The following CEP164 variants were observed in gnomAD, a reference collection of about 807,000 sequenced individuals.
CEP164 encodes the protein centrosomal protein 164.
In CEP164, 162 loss-of-function variants were observed where a neutral mutation model predicts 182.7. The observed-to-expected ratio is 0.89, with a 90% CI of 0.78 to 1.01. The LOEUF (loss-of-function observed/expected upper bound fraction) is 1.01, where lower values mean the gene tolerates loss of function less well. CEP164 is among the 50% of genes least tolerant of loss of function. The probability of loss-of-function intolerance (pLI) is 0.00; values close to 1 mark genes in which losing one functional copy is unlikely to be tolerated. For missense variants in CEP164, 1,735 were observed against 1,790.4 expected (o/e 0.97, Z 0.56); for synonymous variants, 661 against 690.0 (o/e 0.96, Z 0.66).
intron 9 of CEP164, among the ~76,000 whole-genome samples, chr11:117,371,773 T>C (rs2042216669): frequency 6.6e-6 from 1 of 150,982 alleles, no homozygotes; most frequent in African/African-American, 2.4e-5. Context: ...CATCCTCTCC[T>C]GCTTCCTACC....
chr11:117,347,955 TTTGTTGTTGTTG>T (rs530021219), intron 4 of CEP164, among the ~76,000 whole-genome samples: 2 of 151,400 alleles, frequency 1.3e-5, no homozygotes, highest in African/African-American at 2.4e-5. Flanking sequence ...CTGAAGTTGG[TTTGTTGTTGTTG>T]TTGTTGTTGT....
At chr11:117,391,286 AAGG>A (rs2136327100) in intron 17 of CEP164, 71 bp downstream of exon 17, 2 of 1,428,332 alleles carry the variant, frequency 1.4e-6, no homozygotes, top group South Asian at 2.5e-5. Flanking sequence ...CTGAGTGCAC[AAGG>A]AGAAGAAGGG....
At chr11:117,353,994 TCTTCTTCTC>T (rs1398999855) in intron 5 of CEP164, among the ~76,000 whole-genome samples, 23 of 110,128 alleles carry the variant, frequency 2.1e-4, no homozygotes, top group Admixed American at 4.0e-4. Context: ...GGTGGACTTT[TCTTCTTCTC>T]CTTCTTCTTC....
At chr11:117,390,206 G>T (rs1310324496) in intron 15 of CEP164, among the ~76,000 whole-genome samples, 1 of 151,686 alleles carries the variant, frequency 6.6e-6, no homozygotes, top group East Asian at 1.9e-4. Context: ...GCCTCCCAAA[G>T]TGCTGGGATT....
Position 117,394,099 on chromosome 11 carries a change from T to C in CEP164, c.2617-251T>C, listed in dbSNP as rs902763938. Among the ~76,000 whole-genome samples the C allele has an allele frequency of 1.3e-5, 2 of 152,190 alleles. No homozygotes were observed. Among genetic ancestry groups the C allele is most frequent in the Non-Finnish European group, 2.9e-5 (2 of 68,022 alleles). On this transcript the variant is annotated intron_variant, in intron 20 of 32. Coordinates refer to ENST00000278935, the MANE Select transcript of CEP164 (RefSeq NM_014956.5). This position sits in a 1 kb window ranked among gnomAD's most constrained non-coding sequence, Gnocchi z 4.0. ...GGAAAAGTTGTATATGGTGGAGCCA[T>C]AGGGAGAGCCAGAAAGGGAATCTGT...
intron 5 of CEP164, chr11:117,355,692 G>A: frequency 8.5e-7 from 1 of 1,182,406 alleles, no homozygotes; most frequent in Non-Finnish European, 1.1e-6. Flanking sequence ...ATAGGCAGCG[G>A]GAGGAGGAGG....
chr11:117,348,904 G>C (rs1436085450), intron 4 of CEP164, among the ~76,000 whole-genome samples: 1 of 152,158 alleles, frequency 6.6e-6, no homozygotes, highest in East Asian at 1.9e-4. Flanking sequence ...TTGTCCTTTT[G>C]TGTCTGACTT....
In CEP164 at chr11:117,349,844, G is replaced by A. The variant is rs960210285; in HGVS notation, c.195-1946G>A. 3.9e-5 allele frequency among the ~76,000 whole-genome samples: 6 copies of A among 152,116 alleles called. No homozygotes were observed. In the East Asian group the frequency reaches 7.7e-4, roughly 20 times the overall value. ...GGCTCAAGGTCAATGACACAATCTCGGCTCACTGCAACCTTCACCTCCTGG... is the reference window on the plus strand; with the variant it reads ...GGCTCAAGGTCAATGACACAATCTCAGCTCACTGCAACCTTCACCTCCTGG... On this transcript the variant is annotated intron_variant, in intron 4 of 32. Coordinates refer to ENST00000278935, the MANE Select transcript of CEP164 (RefSeq NM_014956.5).
rs1399906183 is a variant in CEP164 at position 117,411,157 on chromosome 11, C to T, written c.4163+263C>T. On this transcript the variant is annotated intron_variant, in intron 31 of 32. Coordinates refer to ENST00000278935, the MANE Select transcript of CEP164 (RefSeq NM_014956.5). This position sits in a 1 kb window ranked among gnomAD's most constrained non-coding sequence, Gnocchi z 4.4. ...CTGCCAACCCCCTGAGGAAGCTGCCCTCTGGCCCCTGTGGGGAGGAGTCAG... is the reference window on the plus strand; with the variant it reads ...CTGCCAACCCCCTGAGGAAGCTGCCTTCTGGCCCCTGTGGGGAGGAGTCAG... 6.7e-6 allele frequency: 3 copies of T among 445,242 alleles called. No individual in the cohort carries two copies. In the Admixed American group the frequency reaches 1.0e-4, roughly 15 times the overall value. 27.6% of individuals were successfully genotyped at this position (445,242 alleles called of 1,614,324 possible).
intron 22 of CEP164, 41 bp from the exon 23 acceptor site, chr11:117,395,082 G>A (rs1332500216): frequency 7.4e-6 from 12 of 1,613,534 alleles, no homozygotes; most frequent in Non-Finnish European, 9.3e-6. Context: ...TCAGACCTGG[G>A]GTCTGCAGTC....
chr11:117,371,400 A>G lies in CEP164; in HGVS notation c.1086A>G (p.Glu362=). ...VDAGEEGSRR[E]EAAKEPKKKA... The stretch of plus-strand genomic sequence containing the variant: ...CAGGAGAGGAGGGTTCCAGGAGGGA[A>G]GAGGCAGCCAAGGAGCCAAAGAAGA... Residue 362 remains glutamate (E), a synonymous_variant, in exon 9 of 33, where the codon GAA becomes GAG. Coordinates refer to ENST00000278935, the MANE Select transcript of CEP164 (RefSeq NM_014956.5). The G allele has an allele frequency of 6.2e-7, 1 of 1,614,204 alleles. No homozygotes were observed. The highest frequency in any genetic ancestry group is 8.5e-7 in the Non-Finnish European group (1 of 1,180,028).
chr11:117,383,995 C>A (rs1276175943), intron 14 of CEP164, among the ~76,000 whole-genome samples: 2 of 152,178 alleles, frequency 1.3e-5, no homozygotes, highest in Non-Finnish European at 2.9e-5. Context: ...GAGATCGTGC[C>A]ACTGTATTCC....
At chr11:117,368,659 C>A (rs1347949782) in intron 8 of CEP164, among the ~76,000 whole-genome samples, 1 of 152,164 alleles carries the variant, frequency 6.6e-6, no homozygotes. Context: ...TTTGCCCACC[C>A]CAGGCAACTC....
At chr11:117,342,725 C>G (rs2038305695) in intron 3 of CEP164, among the ~76,000 whole-genome samples, 1 of 152,186 alleles carries the variant, frequency 6.6e-6, no homozygotes. Flanking sequence ...ATCTGCCCAC[C>G]TTGGCCTCCC....
At chr11:117,387,523 C>A in intron 15 of CEP164, 111 bp downstream of exon 15, 1 of 1,046,340 alleles carries the variant, frequency 9.6e-7, no homozygotes, top group Non-Finnish European at 1.4e-6. Context: ...CTACTAAGAC[C>A]AACTAAAGTT....
Position 117,344,221 on chromosome 11 carries a change from G to C in CEP164, c.138G>C (p.Leu46=). 6.2e-7 allele frequency: 1 copy of C among 1,613,678 alleles called. No homozygotes were observed. Among genetic ancestry groups the C allele is most frequent in the African/African-American group, 1.3e-5 (1 of 75,030 alleles). The change falls in exon 4 of 33, where the codon CTG becomes CTC. Residue 46 remains leucine (L), a synonymous_variant. Transcript: ENST00000278935. The part of the protein sequence containing the change: ...IGIDPIKEPE[L]MWLAREGIVA... ...TTGATCCCATCAAGGAACCAGAACT[G>C]ATGTGGCTGGCGCGAGAGGGCATCG...
rs763544807 is a variant in CEP164, at chr11:117,395,738, T to A, written c.3089+16T>A. On this transcript the variant is annotated intron_variant, in intron 24 of 32. Transcript: ENST00000278935. ...AACACTTCAGGTGGCGTGGGCACCCTGCACTTAGCCCTGCTGGCTGCCTCC... is the reference window on the plus strand; with the variant it reads ...AACACTTCAGGTGGCGTGGGCACCCAGCACTTAGCCCTGCTGGCTGCCTCC... 4 of 1,597,982 alleles carry A rather than the reference T, an allele frequency of 2.5e-6. No individual in the cohort carries two copies. The highest frequency in any genetic ancestry group is 3.4e-6 in the Non-Finnish European group (4 of 1,172,576).
chr11:117,323,684 G>A (rs1419224252), upstream of CEP164, among the ~76,000 whole-genome samples: 5 of 152,108 alleles, frequency 3.3e-5, no homozygotes, highest in African/African-American at 1.2e-4. Flanking sequence ...AGTTTCCATG[G>A]TGATTGTACT....
intron 1 of CEP164, among the ~76,000 whole-genome samples, chr11:117,332,540 C>T (rs1591947083): frequency 1.3e-5 from 2 of 152,152 alleles, no homozygotes; most frequent in African/African-American, 2.4e-5. Flanking sequence ...CGCACCATTG[C>T]ACTCCAGCCT....
Sources: allele counts gnomAD v4.1 joint callset (sites outside exome capture counted in the v4.1 genomes callset), GRCh38; gene constraint gnomAD v4.1.1; non-coding constraint Gnocchi (gnomAD v3.1); transcripts MANE v1.5; gene names NCBI Gene and HGNC (gene_info 2026-07-23, HGNC 2026-07-21).